NUP93: variants seen among roughly 807,000 people sequenced by gnomAD.
NUP93 encodes nuclear pore complex protein Nup93.
In NUP93, 55 loss-of-function variants were observed where a neutral mutation model predicts 107.8. The ratio of observed to expected loss-of-function variants is 0.51; its 90% confidence interval spans 0.41 to 0.64. The LOEUF is 0.64. NUP93 is among the 30% of genes least tolerant of loss of function. NUP93 has a pLI of 0.00. For synonymous variants in NUP93, 390 were observed against 397.5 expected, an observed-to-expected ratio of 0.98 and a Z score of 0.22; for missense variants, 937 against 1,044.7, an observed-to-expected ratio of 0.90 and a Z score of 1.42.
intron 19 of NUP93, 74 bp downstream of exon 19, chr16:56,839,143 T>C (rs1455591694): frequency 2.9e-6 from 3 of 1,043,782 alleles, no homozygotes; most frequent in Non-Finnish European, 4.4e-6. Flanking sequence ...TCATGGAATT[T>C]ACTTAAAACA....
chr16:56,772,495 C>T lies in NUP93; in HGVS notation c.297+13840C>T, dbSNP rs146751242. On this transcript the variant is annotated intron_variant, in intron 3 of 21. Transcript: ENST00000308159. ...CTAAGCTAGTTCTTTCACCACTGGT[C>T]GAATTTCTTAATGTTTTGTCCCTGC... Among the ~76,000 whole-genome samples, 116 of 152,332 alleles carry T rather than the reference C, an allele frequency of 7.6e-4. 1 individual carries two copies. Among genetic ancestry groups the T allele is most frequent in the Admixed American group, 1.6e-3 (24 of 15,294 alleles).
intron 3 of NUP93, among the ~76,000 whole-genome samples, chr16:56,769,621 T>C (rs1962283668): frequency 6.6e-6 from 1 of 152,234 alleles, no homozygotes; most frequent in Admixed American, 6.5e-5. Context: ...TGTGAAATCC[T>C]GGAGCAGCTT....
At chr16:56,745,324 TAGGGCTGGAGATG>T (rs1245147809) in intron 1 of NUP93, among the ~76,000 whole-genome samples, 18 of 151,970 alleles carry the variant, frequency 1.2e-4, no homozygotes, top group African/African-American at 4.1e-4. Context: ...GGAGTGGAGA[TAGGGCTGGAGATG>T]AGTCTGAGTG....
chr16:56,812,756 A>T (rs1167643999), intron 5 of NUP93, among the ~76,000 whole-genome samples: 2 of 152,226 alleles, frequency 1.3e-5, no homozygotes, highest in Non-Finnish European at 2.9e-5. Flanking sequence ...AGAGGAAAGT[A>T]GGAATTGAAA....
At chr16:56,732,489 T>G (rs1961551000) in intron 1 of NUP93, among the ~76,000 whole-genome samples, 1 of 152,130 alleles carries the variant, frequency 6.6e-6, no homozygotes, top group Admixed American at 6.5e-5. Flanking sequence ...ACAGGGATAT[T>G]TGAATAGAGA....
intron 1 of NUP93, 140 bp downstream of exon 1, chr16:56,730,351 C>T (rs1961512292): frequency 6.6e-6 from 1 of 152,250 alleles, no homozygotes; most frequent in Non-Finnish European, 1.5e-5. Context: ...GCCGGGCACG[C>T]CTGACGCCGG....
Position 56,838,952 on chromosome 16 carries a change from G to A in NUP93, c.2019G>A (p.Arg673=), listed in dbSNP as rs138856805. The change falls in exon 19 of 22, where the codon CGG becomes CGA. Residue 673 remains arginine (R), a splice_region_variant and synonymous_variant. Transcript: ENST00000308159. ...LKNMALSIAE[R]YRAQGISANK... ...CCCCCACCCCGTTTTTGTCTTTCAG[G>A]TATAGGGCTCAAGGAATAAGCGCAA... 8.4e-5 allele frequency: 135 copies of A among 1,610,658 alleles called. No individual in the cohort carries two copies. Among genetic ancestry groups the A allele is most frequent in the Non-Finnish European group, 1.1e-4 (131 of 1,177,842 alleles).
At chr16:56,773,016 A>C (rs74021804) in intron 3 of NUP93, among the ~76,000 whole-genome samples, 202 of 152,350 alleles carry the variant, frequency 1.3e-3, no homozygotes, top group African/African-American at 4.6e-3. Flanking sequence ...AAGCTTCCAT[A>C]AAAACCCAAA....
chr16:56,753,973 A>ATT (rs568049501), intron 2 of NUP93, among the ~76,000 whole-genome samples: 2 of 146,604 alleles, frequency 1.4e-5, no homozygotes, highest in East Asian at 4.0e-4. Flanking sequence ...TACTATTTTA[A>ATT]TTTTTTTTTT....
At chr16:56,836,341 C>A (rs184417748) in intron 16 of NUP93, among the ~76,000 whole-genome samples, 1 of 152,264 alleles carries the variant, frequency 6.6e-6, no homozygotes, top group East Asian at 1.9e-4. Flanking sequence ...TTAGAAAGCA[C>A]AGATGTCTTA....
At chr16:56,735,589 A>C (rs986478573) in intron 1 of NUP93, among the ~76,000 whole-genome samples, 4 of 152,210 alleles carry the variant, frequency 2.6e-5, no homozygotes, top group Non-Finnish European at 5.9e-5. Context: ...CCTCGCCTGT[A>C]TTCCTAGCAC....
chr16:56,834,761 A>G lies in NUP93; in HGVS notation c.1765A>G (p.Asn589Asp). ...CGATATGATTCTTGGGAAACTAGAG[A>G]ATGACGGAAGTAGAAAGGTGAGTTA... ...EFDMILGKLE[N>D]DGSRKPGVID... is the part of the protein sequence containing the mutation. Residue 589 changes from asparagine (N) to aspartate (D), a missense_variant, in exon 16 of 22, where the codon AAT (asparagine) becomes GAT (aspartate). Transcript: ENST00000308159. 6.2e-7 allele frequency: 1 copy of G among 1,612,302 alleles called. No homozygotes were observed.
In NUP93 at chr16:56,838,943, G is replaced by C. The variant is rs780968454; in HGVS notation, c.2019-9G>C. The C allele has an allele frequency of 6.3e-7, 1 of 1,598,466 alleles. No homozygotes were observed. Among genetic ancestry groups the C allele is most frequent in the Non-Finnish European group, 8.6e-7 (1 of 1,169,040 alleles). On this transcript the variant is annotated splice_polypyrimidine_tract_variant and intron_variant, in intron 18 of 21. Transcript: ENST00000308159. Reference sequence around the variant, plus strand: ...CTCTTACTACCCCCACCCCGTTTTTGTCTTTCAGGTATAGGGCTCAAGGAA... The same window carrying C: ...CTCTTACTACCCCCACCCCGTTTTTCTCTTTCAGGTATAGGGCTCAAGGAA...
At chr16:56,785,604 G>T (rs1293732518) in intron 3 of NUP93, among the ~76,000 whole-genome samples, 1 of 152,152 alleles carries the variant, frequency 6.6e-6, no homozygotes, top group East Asian at 1.9e-4. Flanking sequence ...CAGCCAGCTC[G>T]CTAGGAAACA....
At chr16:56,786,644 T>C (rs567003568) in intron 3 of NUP93, among the ~76,000 whole-genome samples, 1 of 152,318 alleles carries the variant, frequency 6.6e-6, no homozygotes, top group South Asian at 2.1e-4. Flanking sequence ...AAAAATAAAC[T>C]CTATCTTGCA....
At chr16:56,740,154 T>C (rs1160005645) in intron 1 of NUP93, among the ~76,000 whole-genome samples, 54 of 126,548 alleles carry the variant, frequency 4.3e-4, no homozygotes, top group African/African-American at 7.6e-4. Flanking sequence ...CCGGACGGGG[T>C]GGCTGCCGGG....
At chr16:56,772,083 C>T (rs1229912712) in intron 3 of NUP93, among the ~76,000 whole-genome samples, 1 of 152,068 alleles carries the variant, frequency 6.6e-6, no homozygotes, top group East Asian at 1.9e-4. Flanking sequence ...TTCTTTGCAT[C>T]CCTCTCTCTG....
intron 5 of NUP93, among the ~76,000 whole-genome samples, chr16:56,812,480 A>G (rs1350624829): frequency 6.6e-6 from 1 of 152,030 alleles, no homozygotes; most frequent in Non-Finnish European, 1.5e-5. Flanking sequence ...AATAGCTGGG[A>G]CTACAGGCGC....
At chr16:56,775,341 C>T (rs137985649) in intron 3 of NUP93, among the ~76,000 whole-genome samples, 1 of 152,322 alleles carries the variant, frequency 6.6e-6, no homozygotes, top group East Asian at 1.9e-4. Context: ...TCTAGAACTT[C>T]TGAATAATAA....
Sources: allele counts gnomAD v4.1 joint callset (sites outside exome capture counted in the v4.1 genomes callset), GRCh38; gene constraint gnomAD v4.1.1; transcripts MANE v1.5; gene names NCBI Gene and HGNC (gene_info 2026-07-23, HGNC 2026-07-21).